CCDC158: variants seen among roughly 807,000 people sequenced by gnomAD.
CCDC158 encodes coiled-coil domain containing 158.
In CCDC158, 116 loss-of-function variants were observed where a neutral mutation model predicts 138.6. The ratio of observed to expected loss-of-function variants is 0.84; its 90% confidence interval spans 0.72 to 0.98. The LOEUF (loss-of-function observed/expected upper bound fraction) is 0.98. CCDC158 is among the 50% of genes least tolerant of loss of function. The pLI is 0.00. For synonymous variants in CCDC158, 436 were observed against 442.4 expected (o/e 0.99, Z 0.18); for missense variants, 1,265 against 1,306.1 (o/e 0.97, Z 0.48).
At chr4:76,413,897 G>A (rs1470630289) in intron 1 of CCDC158, among the ~76,000 whole-genome samples, 1 of 152,144 alleles carries the variant, frequency 6.6e-6, no homozygotes, top group Non-Finnish European at 1.5e-5. Flanking sequence ...TGTTAAAAAT[G>A]TTTGGCTCTA....
At chr4:76,335,027 G>A (rs754055608) in intron 18 of CCDC158, among the ~76,000 whole-genome samples, 1 of 152,164 alleles carries the variant, frequency 6.6e-6, no homozygotes, top group Non-Finnish European at 1.5e-5. Flanking sequence ...CTGAAGATAT[G>A]AGAGTTCCAA....
At chr4:76,420,631 C>A (rs1236397584) in intron 1 of CCDC158, among the ~76,000 whole-genome samples, 3 of 152,206 alleles carry the variant, frequency 2.0e-5, no homozygotes, top group Admixed American at 6.5e-5. Flanking sequence ...ATCTCCTCCC[C>A]CTGTTCGCGG....
intron 21 of CCDC158, 128 bp downstream of exon 21, chr4:76,331,216 G>T: frequency 1.3e-6 from 1 of 785,828 alleles, no homozygotes; most frequent in Non-Finnish European, 2.1e-6. Context: ...GCCCATATCT[G>T]TCTTGCTCAC....
At chr4:76,363,004 C>T (rs907719983) in intron 12 of CCDC158, among the ~76,000 whole-genome samples, 1 of 152,114 alleles carries the variant, frequency 6.6e-6, no homozygotes, top group East Asian at 1.9e-4. Context: ...TCAAAAAGGC[C>T]GCTTACAAGG....
intron 1 of CCDC158, among the ~76,000 whole-genome samples, chr4:76,418,079 G>A (rs1729838035): frequency 6.6e-6 from 1 of 152,152 alleles, no homozygotes. Context: ...GAAGACTTTG[G>A]GGCTTATTCT....
chr4:76,328,526 C>T (rs919137150), intron 22 of CCDC158, among the ~76,000 whole-genome samples: 1 of 152,198 alleles, frequency 6.6e-6, no homozygotes, highest in African/African-American at 2.4e-5. Flanking sequence ...TCAAGCAATC[C>T]ACTCACCTTG....
At chr4:76,331,088 T>G (rs956753997) in intron 21 of CCDC158, among the ~76,000 whole-genome samples, 5 of 152,164 alleles carry the variant, frequency 3.3e-5, no homozygotes, top group African/African-American at 9.7e-5. Flanking sequence ...TTAATATATA[T>G]AGAGGGCTCG....
chr4:76,359,794 G>T (rs1244570486), intron 13 of CCDC158, among the ~76,000 whole-genome samples: 1 of 152,230 alleles, frequency 6.6e-6, no homozygotes, highest in Non-Finnish European at 1.5e-5. Flanking sequence ...GAGCATAAAA[G>T]TTTGGAAAAT....
intron 3 of CCDC158, among the ~76,000 whole-genome samples, chr4:76,396,967 C>G (rs1267250419): frequency 1.3e-5 from 2 of 152,162 alleles, no homozygotes; most frequent in Non-Finnish European, 2.9e-5. Context: ...TGGCCTTAAG[C>G]TGATGCTGTA....
At chr4:76,359,293 C>G (rs1382797362) in intron 13 of CCDC158, among the ~76,000 whole-genome samples, 13 of 152,186 alleles carry the variant, frequency 8.5e-5, no homozygotes, top group African/African-American at 3.1e-4. Context: ...CAAAAATGAA[C>G]TAATACAGAA....
intron 3 of CCDC158, among the ~76,000 whole-genome samples, chr4:76,396,713 T>G (rs901690404): frequency 3.0e-4 from 45 of 151,848 alleles, no homozygotes; most frequent in African/African-American, 1.1e-3. Flanking sequence ...GGTTTCACCA[T>G]GTTAGCCATG....
chr4:76,391,559 G>A (rs577195438), intron 4 of CCDC158, among the ~76,000 whole-genome samples: 1 of 151,900 alleles, frequency 6.6e-6, no homozygotes, highest in African/African-American at 2.4e-5. Flanking sequence ...TAGCTATTAA[G>A]TGCCTACTTC....
chr4:76,349,813 A>G (rs1722890619), intron 18 of CCDC158, among the ~76,000 whole-genome samples: 1 of 152,244 alleles, frequency 6.6e-6, no homozygotes, highest in Non-Finnish European at 1.5e-5. Context: ...AAAATCTAAT[A>G]GATTTTGGGT....
intron 13 of CCDC158, among the ~76,000 whole-genome samples, chr4:76,358,398 C>T (rs371914507): frequency 1.3e-5 from 2 of 152,268 alleles, no homozygotes; most frequent in African/African-American, 4.8e-5. Flanking sequence ...GCTTGGTCTG[C>T]TTTTCTTTTC....
Position 76,355,449 on chromosome 4 carries a change from A to G in CCDC158, c.2174-13T>C, listed in dbSNP as rs758649655. The G allele has an allele frequency of 3.2e-5, 51 of 1,570,202 alleles. No homozygotes were observed. The highest frequency in any genetic ancestry group is 7.0e-6 in the Non-Finnish European group (8 of 1,141,756). ...GCCACTTTCATAGCTGGAAAAAAAA[A>G]AGAGGCAAACTATGCCTTAGGTTCT... On this transcript the variant is annotated splice_polypyrimidine_tract_variant and intron_variant, in intron 14 of 24. Coordinates refer to ENST00000682701, the MANE Select transcript of CCDC158 (RefSeq NM_001394954.1).
At chr4:76,402,961 T>C (rs1345631793) in intron 3 of CCDC158, among the ~76,000 whole-genome samples, 177 bp downstream of exon 3, 1 of 152,194 alleles carries the variant, frequency 6.6e-6, no homozygotes, top group Non-Finnish European at 1.5e-5. Context: ...AAAAATTCCT[T>C]AAAAGACAAA....
intron 1 of CCDC158, among the ~76,000 whole-genome samples, chr4:76,415,376 T>G (rs889482207): frequency 1.3e-5 from 2 of 152,078 alleles, no homozygotes; most frequent in South Asian, 4.1e-4. Flanking sequence ...GCAGCCTGAC[T>G]ATGTGATAGA....
At chr4:76,363,408 G>A (rs879582606) in intron 12 of CCDC158, among the ~76,000 whole-genome samples, 11 of 152,226 alleles carry the variant, frequency 7.2e-5, no homozygotes, top group Admixed American at 2.0e-4. Context: ...ATTTTGCTTT[G>A]TATCCTTTCA....
intron 1 of CCDC158, among the ~76,000 whole-genome samples, chr4:76,412,659 G>T (rs926323888): frequency 1.8e-4 from 28 of 152,312 alleles, no homozygotes; most frequent in African/African-American, 5.5e-4. Flanking sequence ...GGCTGAGGCA[G>T]GAGAATTGCT....
Sources: allele counts gnomAD v4.1 joint callset (sites outside exome capture counted in the v4.1 genomes callset), GRCh38; gene constraint gnomAD v4.1.1; transcripts MANE v1.5; gene names NCBI Gene and HGNC (gene_info 2026-07-23, HGNC 2026-07-21).